The following ITGAD variants were observed in gnomAD, a reference collection of about 807,000 sequenced individuals.
ITGAD encodes the protein integrin subunit alpha D.
In ITGAD, 105 loss-of-function variants were observed where a neutral mutation model predicts 139.0. The observed-to-expected ratio is 0.76, with a 90% CI of 0.65 to 0.89. The LOEUF is 0.89. Ranked by LOEUF, ITGAD falls within the 40% of genes least tolerant of loss-of-function variation. ITGAD has a pLI of 0.00. For missense variants in ITGAD, 1,384 were observed against 1,487.3 expected, an observed-to-expected ratio of 0.93 and a Z score of 1.14; for synonymous variants, 569 against 598.3, an observed-to-expected ratio of 0.95 and a Z score of 0.71.
chr16:31,426,108 C>T lies in ITGAD; in HGVS notation c.3466C>T (p.Pro1156Ser). The change falls in exon 30 of 30, where the codon CCA becomes TCA. Residue 1156 changes from proline to serine, a missense_variant. Physicochemically the swap from Pro to Ser is moderately conservative, Grantham distance 74. Transcript: ENST00000389202. ...TGGGGACGATTTCAGCTGTGTGGCC[C>T]CAAATGTGCCTTTGTCCTAATAATC... is the stretch of plus-strand genomic sequence containing the variant. ...FSGDDFSCVA[P>S]NVPLS is the part of the protein sequence containing the mutation. The T allele has an allele frequency of 6.2e-7, 1 of 1,611,000 alleles. No homozygotes were observed. Among genetic ancestry groups the T allele is most frequent in the Non-Finnish European group, 8.5e-7 (1 of 1,177,228 alleles).
chr16:31,394,096 A>G (rs1597096684), intron 1 of ITGAD, 140 bp from the exon 2 acceptor site: 1 of 525,546 alleles, frequency 1.9e-6, no homozygotes, highest in African/African-American at 2.1e-5. Context: ...GTGCCGTTGC[A>G]CTCCAGCCTC....
Position 31,411,458 on chromosome 16 carries a change from G to C in ITGAD, c.1648G>C (p.Gly550Arg), listed in dbSNP as rs1459716023. 3 of 1,614,114 alleles carry C rather than the reference G, an allele frequency of 1.9e-6. No homozygotes were observed. In the East Asian group the frequency reaches 6.7e-5, roughly 36 times the overall value. ...GGCCCCGGGAGAGCAGGAGAACCGG[G>C]GTGCTGTCTACCTGTTTCACGGAGC... Reference protein sequence around the residue: ...IGAPGEQENRGAVYLFHGASE... With the variant: ...IGAPGEQENRRAVYLFHGASE... The change falls in exon 14 of 30, where the codon GGT becomes CGT. Residue 550 changes from glycine (G) to arginine (R), a missense_variant. Transcript: ENST00000389202.
In ITGAD at chr16:31,414,926, A is replaced by C. The variant is rs1243811421; in HGVS notation, c.2218A>C (p.Ile740Leu). 5 of 1,614,046 alleles carry C rather than the reference A, an allele frequency of 3.1e-6. No individual in the cohort carries two copies. Among genetic ancestry groups the C allele is most frequent in the Middle Eastern group, 1.6e-4 (1 of 6,062 alleles). ...HLNFSLVREP[I>L]PSPQNLRPVL... Reference sequence around the variant, plus strand: ...CAACTTCTCACTGGTGAGAGAGCCCATCCCCTCCCCCCAGAACCTGCGTCC... The same window carrying C: ...CAACTTCTCACTGGTGAGAGAGCCCCTCCCCTCCCCCCAGAACCTGCGTCC... Residue 740 changes from isoleucine (I) to leucine (L), a missense_variant, in exon 18 of 30, where the codon ATC (isoleucine) becomes CTC (leucine). By Grantham distance (5) the Ile-to-Leu change is conservative. Transcript: ENST00000389202.
intron 23 of ITGAD, among the ~76,000 whole-genome samples, chr16:31,422,131 G>A (rs2082020197): frequency 6.6e-6 from 1 of 150,806 alleles, no homozygotes; most frequent in Non-Finnish European, 1.5e-5. Flanking sequence ...GCAGAGACGA[G>A]GTCTCTCTGT....
At chr16:31,397,518 C>T (rs2081296027) in intron 3 of ITGAD, 56 bp downstream of exon 3, 1 of 1,583,936 alleles carries the variant, frequency 6.3e-7, no homozygotes, top group Non-Finnish European at 8.6e-7. Context: ...AACTGTGCCC[C>T]CGCTTAGCTT....
At position 31,407,930 on chromosome 16, in the gene ITGAD, AG is replaced by A. The variant is rs765235560; in HGVS notation, c.1009+17del. On this transcript the variant is annotated intron_variant, in intron 9 of 29. Transcript: ENST00000389202. ...ATGCAGTTGAGGGTAAATGGAAGCA[AG>A]GGTGCGCCTGGGAGCCAAGGGGTCC... 3.2e-6 allele frequency: 5 copies of A among 1,566,550 alleles called. No homozygotes were observed. The South Asian group carries it at 5.8e-5, about 18-fold the overall frequency.
chr16:31,397,462 AGT>A lies in ITGAD; in HGVS notation c.241+2_241+3del. The stretch of plus-strand genomic sequence containing the variant: ...CATGTGCCAGCCCATCCCGCTGCAC[AGT>A]GAGTGACCACCTGGGAATTGGGCCC... On this transcript the variant is annotated splice_donor_variant, in intron 3 of 29. Transcript: ENST00000389202. LOFTEE classifies it high-confidence loss of function. The A allele has an allele frequency of 1.3e-6, 2 of 1,591,908 alleles. No individual in the cohort carries two copies. The highest frequency in any genetic ancestry group is 1.7e-6 in the Non-Finnish European group (2 of 1,168,644).
intron 18 of ITGAD, 76 bp downstream of exon 18, chr16:31,415,067 C>T (rs2081850495): frequency 7.1e-6 from 11 of 1,540,922 alleles, no homozygotes; most frequent in Admixed American, 5.1e-5. Context: ...CACTGTAGCT[C>T]CCCAACACCC....
intron 20 of ITGAD, among the ~76,000 whole-genome samples, 197 bp downstream of exon 20, chr16:31,416,843 G>C (rs1476745717): frequency 2.6e-5 from 4 of 152,026 alleles, no homozygotes; most frequent in Non-Finnish European, 5.9e-5. Context: ...AAACCATAGA[G>C]TTAACATCCA....
chr16:31,410,735 G>T lies in ITGAD; in HGVS notation c.1214-1G>T. The T allele has an allele frequency of 6.2e-7, 1 of 1,610,544 alleles. No individual in the cohort carries two copies. Among genetic ancestry groups the T allele is most frequent in the South Asian group, 1.1e-5 (1 of 90,894 alleles). On this transcript the variant is annotated splice_acceptor_variant, in intron 11 of 29. Coordinates refer to ENST00000389202, the MANE Select transcript of ITGAD (RefSeq NM_005353.3). LOFTEE classifies it high-confidence loss of function. Reference sequence around the variant, plus strand: ...TTTGTGCTGAGGCCTGGGCCCCTCAGGTTACTCCACCGAGCTAGCCCTGTG... The same window carrying T: ...TTTGTGCTGAGGCCTGGGCCCCTCATGTTACTCCACCGAGCTAGCCCTGTG...
At chr16:31,420,405 T>C (rs1225550979) in intron 23 of ITGAD, among the ~76,000 whole-genome samples, 1 of 139,122 alleles carries the variant, frequency 7.2e-6, no homozygotes, top group Non-Finnish European at 1.6e-5. Flanking sequence ...CTGCTATTGC[T>C]TTTTTTTTTT....
chr16:31,400,190 TG>T (rs2081368733), intron 5 of ITGAD, among the ~76,000 whole-genome samples: 1 of 152,278 alleles, frequency 6.6e-6, no homozygotes, highest in South Asian at 2.1e-4. Flanking sequence ...GGGGAGCTCC[TG>T]GGGGGATCTG....
chr16:31,411,232 G>A lies in ITGAD; in HGVS notation c.1497+16G>A. 1 of 1,612,174 alleles carries A rather than the reference G, an allele frequency of 6.2e-7. No individual in the cohort carries two copies. The highest frequency in any genetic ancestry group is 8.5e-7 in the Non-Finnish European group (1 of 1,178,876). On this transcript the variant is annotated intron_variant, in intron 13 of 29. Transcript: ENST00000389202. ...GCCTAGGGGGGTGAGTGGCTGATGG[G>A]ACCTAGGCTGGGTGGGGTCCGGTGT...
chr16:31,419,328 T>C (rs777006936), intron 23 of ITGAD, among the ~76,000 whole-genome samples: 17 of 152,214 alleles, frequency 1.1e-4, no homozygotes, highest in South Asian at 2.1e-4. Context: ...GTGCAACTCA[T>C]TGCCTTTTTT....
intron 5 of ITGAD, among the ~76,000 whole-genome samples, chr16:31,399,098 C>A (rs985214933): frequency 6.6e-6 from 1 of 152,126 alleles, no homozygotes; most frequent in Admixed American, 6.5e-5. Context: ...GGCCTGGGGA[C>A]ACCACCATGA....
chr16:31,421,626 T>A (rs1288761430), intron 23 of ITGAD, among the ~76,000 whole-genome samples: 1 of 152,016 alleles, frequency 6.6e-6, no homozygotes, highest in Admixed American at 6.6e-5. Context: ...TTAAGATTTA[T>A]GGAGGAGTCC....
intron 23 of ITGAD, among the ~76,000 whole-genome samples, chr16:31,420,206 G>A (rs969792246): frequency 1.3e-5 from 2 of 152,152 alleles, no homozygotes; most frequent in African/African-American, 4.8e-5. Context: ...GTGGGGCAGA[G>A]GTGTGAGAAA....
chr16:31,415,073 C>T, intron 18 of ITGAD, 82 bp downstream of exon 18: 1 of 1,500,602 alleles, frequency 6.7e-7, no homozygotes, highest in Non-Finnish European at 9.2e-7. Flanking sequence ...AGCTCCCCAA[C>T]ACCCAACCAC....
At chr16:31,406,739 C>T (rs1342138550) in intron 7 of ITGAD, among the ~76,000 whole-genome samples, 1 of 152,180 alleles carries the variant, frequency 6.6e-6, no homozygotes, top group East Asian at 1.9e-4. Flanking sequence ...AGACCTATAA[C>T]TGGCATGGTG....
Sources: allele counts gnomAD v4.1 joint callset (sites outside exome capture counted in the v4.1 genomes callset), GRCh38; gene constraint gnomAD v4.1.1; transcripts MANE v1.5; gene names NCBI Gene and HGNC (gene_info 2026-07-23, HGNC 2026-07-21).